The following ZFAT variants were observed in gnomAD, a reference collection of about 807,000 sequenced individuals.
ZFAT encodes zinc finger and AT-hook domain containing, also known as zinc finger protein ZFAT.
Under a neutral mutation model 117.7 loss-of-function variants are expected in ZFAT, and 64 were observed. The ratio of observed to expected loss-of-function variants is 0.54; its 90% CI spans 0.44 to 0.67. The LOEUF (loss-of-function observed/expected upper bound fraction) is 0.67, where lower values mean the gene tolerates loss of function less well. Among genes scored for constraint, ZFAT ranks in the 30% least tolerant of loss-of-function variants. The pLI is 0.00. For synonymous variants in ZFAT, 679 were observed against 615.0 expected, an observed-to-expected ratio of 1.10 and a Z score of -1.54; for missense variants, 1,433 against 1,584.5, an observed-to-expected ratio of 0.90 and a Z score of 1.62.
chr8:134,668,295 C>T (rs563302722), intron 1 of ZFAT, among the ~76,000 whole-genome samples: 16 of 152,294 alleles, frequency 1.1e-4, no homozygotes, highest in South Asian at 6.2e-4. Context: ...GATCTGAGAA[C>T]GGACAGACCC....
upstream of ZFAT, among the ~76,000 whole-genome samples, chr8:134,714,113 C>A (rs1207012872): frequency 1.4e-5 from 2 of 139,096 alleles, no homozygotes; most frequent in African/African-American, 2.6e-5. Context: ...ACATGCCCCC[C>A]CCCCCCCAAA....
chr8:134,828,090 G>A, the ZFAT span, among the ~76,000 whole-genome samples: 1 of 152,082 alleles, frequency 6.6e-6, no homozygotes, highest in Admixed American at 6.5e-5. Flanking sequence ...CCAATGTAAT[G>A]TACTTTTTAA....
At chr8:134,683,898 G>A (rs961083616) in intron 1 of ZFAT, among the ~76,000 whole-genome samples, 1 of 152,034 alleles carries the variant, frequency 6.6e-6, no homozygotes, top group South Asian at 2.1e-4. Context: ...TTTAAGCACT[G>A]GCCATCAAAT....
At chr8:134,756,739 C>A in the ZFAT span, among the ~76,000 whole-genome samples, 1 of 152,226 alleles carries the variant, frequency 6.6e-6, no homozygotes, top group Admixed American at 6.5e-5. Flanking sequence ...CAATTTAGGA[C>A]AAGTGAAGGG....
chr8:134,822,960 GA>G, the ZFAT span, among the ~76,000 whole-genome samples: 4 of 151,806 alleles, frequency 2.6e-5, no homozygotes, highest in African/African-American at 9.7e-5. Flanking sequence ...AAATGTGGGG[GA>G]AAAAAAGGGG....
the ZFAT span, among the ~76,000 whole-genome samples, chr8:134,734,863 G>A: frequency 2.6e-5 from 4 of 152,324 alleles, no homozygotes; most frequent in Non-Finnish European, 5.9e-5. Flanking sequence ...ATTAGGAATA[G>A]TGGAAGGGCA....
intron 2 of ZFAT, among the ~76,000 whole-genome samples, chr8:134,638,529 C>T (rs1294458061): frequency 5.0e-5 from 7 of 139,142 alleles, no homozygotes; most frequent in African/African-American, 1.9e-4. Flanking sequence ...CATGGTGAAA[C>T]TCTGTCTCTA....
rs376203202 is a variant in ZFAT, at chr8:134,610,854, C to T, written c.449-199G>A. ...GATTCAGTACATGTTCACTGCTCCC[C>T]GCCACAGGCCATCACCTAGGCCCTG... On this transcript the variant is annotated intron_variant, in intron 3 of 15. Transcript: ENST00000377838. 5.9e-5 allele frequency among the ~76,000 whole-genome samples: 9 copies of T among 151,686 alleles called. No individual in the cohort carries two copies. In the South Asian group the frequency reaches 1.0e-3, roughly 18 times the overall value.
chr8:134,604,493 C>T (rs1031938908), intron 5 of ZFAT, among the ~76,000 whole-genome samples: 3 of 152,178 alleles, frequency 2.0e-5, no homozygotes, highest in African/African-American at 4.8e-5. Flanking sequence ...CAATAGGCAC[C>T]AGGGACAGGC....
At chr8:134,756,705 G>A in the ZFAT span, among the ~76,000 whole-genome samples, 29 of 152,298 alleles carry the variant, frequency 1.9e-4, no homozygotes, top group Middle Eastern at 3.4e-3. Flanking sequence ...GGCAGCTCAC[G>A]GCCAGTGACT....
intron 1 of ZFAT, among the ~76,000 whole-genome samples, chr8:134,698,311 G>A (rs1454319427): frequency 8.2e-4 from 104 of 127,074 alleles, no homozygotes; most frequent in South Asian, 3.6e-3. Flanking sequence ...GTGAAGGAGC[G>A]AGACTCCATC....
At chr8:134,574,803 T>C (rs534191642) in intron 10 of ZFAT, among the ~76,000 whole-genome samples, 3 of 152,266 alleles carry the variant, frequency 2.0e-5, no homozygotes, top group East Asian at 1.9e-4. Context: ...AAAGTAAAAA[T>C]GCCTCCTTAT....
At chr8:134,482,194 C>T (rs988576850) in intron 15 of ZFAT, among the ~76,000 whole-genome samples, 4 of 152,160 alleles carry the variant, frequency 2.6e-5, no homozygotes, top group African/African-American at 9.7e-5. Context: ...ACTTTTACTC[C>T]CGGCTGAGCC....
chr8:134,627,899 T>G (rs891119447), intron 3 of ZFAT, among the ~76,000 whole-genome samples: 1 of 152,216 alleles, frequency 6.6e-6, no homozygotes, highest in Non-Finnish European at 1.5e-5. Flanking sequence ...GATGTGTCCC[T>G]ATTCTGTCCA....
chr8:134,489,684 C>T (rs1024770734), intron 15 of ZFAT, among the ~76,000 whole-genome samples: 3 of 152,202 alleles, frequency 2.0e-5, no homozygotes, highest in Non-Finnish European at 2.9e-5. Flanking sequence ...ATCATCTCCG[C>T]CAGGCTCATG....
the ZFAT span, among the ~76,000 whole-genome samples, chr8:134,825,578 GA>G: frequency 6.6e-6 from 1 of 152,204 alleles, no homozygotes; most frequent in Non-Finnish European, 1.5e-5. Context: ...CAGCGCATTA[GA>G]AGTTCACTCA....
chr8:134,670,488 G>GCTC (rs1169870138), intron 1 of ZFAT, among the ~76,000 whole-genome samples: 3 of 152,226 alleles, frequency 2.0e-5, no homozygotes, highest in African/African-American at 7.2e-5. Context: ...TGAACAACCT[G>GCTC]CTCCTGAATG....
At chr8:134,486,571 C>T (rs1252646133) in intron 15 of ZFAT, among the ~76,000 whole-genome samples, 1 of 152,118 alleles carries the variant, frequency 6.6e-6, no homozygotes, top group Non-Finnish European at 1.5e-5. Context: ...AGGAAATGAA[C>T]AGAGAAGCCA....
intron 2 of ZFAT, among the ~76,000 whole-genome samples, chr8:134,638,549 C>CAAAAAAAAAAAAAAAAAAAAAAAAAAAAA (rs758050176): frequency 9.9e-6 from 1 of 101,076 alleles, no homozygotes; most frequent in African/African-American, 3.7e-5. Context: ...ACTAAAAATA[C>CAAAAAAAAAAAAAAAAAAAAAAAAAAAAA]AAAAAAAAAA....
Sources: gnomAD v4.1 joint callset for allele counts (sites outside exome capture counted in the v4.1 genomes callset) on GRCh38, gnomAD v4.1.1 for gene constraint, MANE v1.5 for transcripts, NCBI Gene and HGNC (gene_info 2026-07-23, HGNC 2026-07-21) for gene names.